CHD1L: variants seen among roughly 807,000 people sequenced by gnomAD.
The protein encoded by CHD1L is ATP-dependent chromatin remodeler CHD1L.
CHD1L carries 118 observed loss-of-function variants against 115.9 expected under a neutral mutation model. That is an observed-to-expected ratio of 1.02 (90% CI 0.88 to 1.19). CHD1L has a LOEUF of 1.19. Among genes scored for constraint, CHD1L ranks in the 50% most tolerant of loss-of-function variants. The pLI is 0.00. For synonymous variants in CHD1L, 411 were observed against 387.1 expected, an observed-to-expected ratio of 1.06 and a Z score of -0.72; for missense variants, 1,179 against 1,065.3, an observed-to-expected ratio of 1.11 and a Z score of -1.49.
At chr1:147,219,865 G>T in the CHD1L span, among the ~76,000 whole-genome samples, 5 of 132,972 alleles carry the variant, frequency 3.8e-5, no homozygotes, top group Non-Finnish European at 6.2e-5. Flanking sequence ...TTGAGACAGA[G>T]TCTCGCTCTA....
the CHD1L span, chr1:147,187,343 G>T: frequency 1.3e-6 from 1 of 791,176 alleles, no homozygotes; most frequent in South Asian, 1.8e-5. Context: ...CTCAATATCA[G>T]ACTAGGAGCT....
At chr1:147,260,514 C>G (rs181132383) in intron 6 of CHD1L, 2 of 152,032 alleles carry the variant, frequency 1.3e-5, no homozygotes, top group African/African-American at 4.8e-5. Flanking sequence ...GAATAAGAAC[C>G]CTACCCCAAT....
chr1:147,283,437 T>G (rs587774346), intron 15 of CHD1L, among the ~76,000 whole-genome samples: 1 of 152,340 alleles, frequency 6.6e-6, no homozygotes, highest in South Asian at 2.1e-4. Flanking sequence ...ATCTTACCTA[T>G]CTGTGGTTGC....
chr1:147,256,507 T>C, intron 4 of CHD1L, 24 bp from the exon 5 acceptor site: 2 of 1,609,058 alleles, frequency 1.2e-6, no homozygotes, highest in Non-Finnish European at 1.7e-6. Context: ...CCAGCCTTTA[T>C]AACGTGTCTT....
intron 16 of CHD1L, among the ~76,000 whole-genome samples, 176 bp downstream of exon 16, chr1:147,284,675 A>T (rs1286127554): frequency 6.6e-6 from 1 of 152,234 alleles, no homozygotes; most frequent in Non-Finnish European, 1.5e-5. Context: ...TATGTAAAAA[A>T]GTCAGCATGA....
At chr1:147,266,858 T>A (rs1435962182) in intron 8 of CHD1L, among the ~76,000 whole-genome samples, 6 of 152,256 alleles carry the variant, frequency 3.9e-5, no homozygotes, top group Admixed American at 2.6e-4. Context: ...ATAATTGTTG[T>A]ATTTTATTAT....
chr1:147,269,251 T>C (rs1675181074), intron 10 of CHD1L, among the ~76,000 whole-genome samples: 1 of 152,206 alleles, frequency 6.6e-6, no homozygotes, highest in South Asian at 2.1e-4. Flanking sequence ...TGCTAGTAAC[T>C]TGGCATTGAA....
intron 15 of CHD1L, among the ~76,000 whole-genome samples, chr1:147,283,347 T>A (rs994080980): frequency 6.6e-6 from 1 of 152,182 alleles, no homozygotes; most frequent in East Asian, 1.9e-4. Context: ...AAAACATACT[T>A]ATAATGGATT....
chr1:147,239,027 C>T (rs587594013), upstream of CHD1L, among the ~76,000 whole-genome samples: 21 of 152,266 alleles, frequency 1.4e-4, no homozygotes, highest in African/African-American at 4.3e-4. Context: ...GAGCAATATC[C>T]GCAGTTCCCA....
At chr1:147,200,156 T>C in the CHD1L span, among the ~76,000 whole-genome samples, 3 of 152,212 alleles carry the variant, frequency 2.0e-5, no homozygotes, top group African/African-American at 7.2e-5. Flanking sequence ...CATTGGCTGA[T>C]AGGAAAAAGG....
At chr1:147,234,333 G>C in the CHD1L span, among the ~76,000 whole-genome samples, 3 of 152,128 alleles carry the variant, frequency 2.0e-5, no homozygotes, top group Admixed American at 6.6e-5. Context: ...CCAGGATCTG[G>C]TGTTGGGTCT....
chr1:147,185,266 T>C, the CHD1L span, among the ~76,000 whole-genome samples: 1 of 152,202 alleles, frequency 6.6e-6, no homozygotes, highest in African/African-American at 2.4e-5. Context: ...GAAACTGGTG[T>C]ACTTATTGCT....
intron 20 of CHD1L, among the ~76,000 whole-genome samples, chr1:147,291,969 G>T (rs995899621): frequency 3.3e-5 from 5 of 151,840 alleles, no homozygotes; most frequent in Admixed American, 6.6e-5. Flanking sequence ...AGGTACGGGG[G>T]GTTGGGGCTT....
chr1:147,222,822 G>C, the CHD1L span, among the ~76,000 whole-genome samples: 2 of 152,178 alleles, frequency 1.3e-5, no homozygotes, highest in Admixed American at 6.5e-5. Context: ...CCAGAAACTT[G>C]ATAATCAGAC....
At chr1:147,179,720 G>A in the CHD1L span, 18 of 711,816 alleles carry the variant, frequency 2.5e-5, no homozygotes, top group East Asian at 7.9e-5. Flanking sequence ...GAATTATTAC[G>A]TCTCAGGGCC....
At position 147,259,913 on chromosome 1, in the gene CHD1L, T is replaced by C; in HGVS notation, c.571T>C (p.Ser191Pro). Reference sequence around the variant, plus strand: ...AAGCTCCCTGCTGCATAAGACCTTGTCAGAGGTAAACTTACAGTGTAGCCT... The same window carrying C: ...AAGCTCCCTGCTGCATAAGACCTTGCCAGAGGTAAACTTACAGTGTAGCCT... ...NQSSLLHKTL[S>P]EFSVVFSLLL... Residue 191 changes from serine (S) to proline (P), a missense_variant, in exon 6 of 23, where the codon TCA becomes CCA. By Grantham distance (74) the Ser-to-Pro change is moderately conservative (BLOSUM62 -1). Transcript: ENST00000369258. 1 of 1,612,914 alleles carries C rather than the reference T, an allele frequency of 6.2e-7. No individual in the cohort carries two copies.
chr1:147,246,287 C>G (rs1553933826), intron 1 of CHD1L, among the ~76,000 whole-genome samples: 2 of 152,156 alleles, frequency 1.3e-5, no homozygotes, highest in African/African-American at 4.8e-5. Flanking sequence ...GTTTGTTTCA[C>G]CACTCACCCA....
At chr1:147,253,856 G>T (rs1327254459) in intron 2 of CHD1L, among the ~76,000 whole-genome samples, 1 of 152,228 alleles carries the variant, frequency 6.6e-6, no homozygotes, top group Non-Finnish European at 1.5e-5. Context: ...CAGTGTCACT[G>T]TAATTTTTTA....
At chr1:147,216,051 A>G in the CHD1L span, 1 of 708,164 alleles carries the variant, frequency 1.4e-6, no homozygotes, top group East Asian at 2.6e-5. Context: ...ATTAAATCAC[A>G]CACACACCTT....
Sources: allele counts gnomAD v4.1 joint callset (sites outside exome capture counted in the v4.1 genomes callset), GRCh38; gene constraint gnomAD v4.1.1; transcripts MANE v1.5; gene names NCBI Gene and HGNC (gene_info 2026-07-23, HGNC 2026-07-21).